The following SYTL2 variants were observed in gnomAD, a reference collection of about 807,000 sequenced individuals.
SYTL2 encodes synaptotagmin-like protein 2.
A neutral mutation model predicts 198.7 loss-of-function variants in SYTL2; 165 were observed. The ratio of observed to expected loss-of-function variants is 0.83; its 90% CI spans 0.73 to 0.94. SYTL2 has a LOEUF of 0.94. SYTL2 is among the 40% of genes least tolerant of loss of function. The pLI, the probability that SYTL2 is intolerant of heterozygous loss-of-function variation, is 0.00. For synonymous variants in SYTL2, 966 were observed against 917.7 expected, an observed-to-expected ratio of 1.05 and a Z score of -0.95; for missense variants, 2,835 against 2,582.8, an observed-to-expected ratio of 1.10 and a Z score of -2.12.
At position 85,724,507 on chromosome 11, in the gene SYTL2, C is replaced by T. The variant is rs759913857; in HGVS notation, c.4851G>A (p.Gln1617=). 1 of 1,613,944 alleles carries T rather than the reference C, an allele frequency of 6.2e-7. No homozygotes were observed. Among genetic ancestry groups the T allele is most frequent in the Non-Finnish European group, 8.5e-7 (1 of 1,180,004 alleles). ...TACTTTTATCCTTCATTTCAGAGGT[C>T]TGTGAGGCTGCCCTGTAAAAATGGG... The part of the protein sequence containing the change: ...TVPHFYRAAS[Q]TSEMKDKSNG... The change falls in exon 8 of 20, where the codon CAG becomes CAA. Residue 1617 remains glutamine (Q), a synonymous_variant. Transcript: ENST00000359152.
the SYTL2 span, among the ~76,000 whole-genome samples, chr11:85,827,643 G>A: frequency 1.3e-5 from 2 of 152,122 alleles, no homozygotes; most frequent in South Asian, 4.1e-4. Context: ...TAAATAGTAA[G>A]TTCTGGGTAT....
At chr11:85,845,749 C>G in the SYTL2 span, among the ~76,000 whole-genome samples, 2 of 151,562 alleles carry the variant, frequency 1.3e-5, no homozygotes, top group Admixed American at 1.3e-4. Flanking sequence ...TCTACTAATA[C>G]ACACACACAC....
intron 10 of SYTL2, 69 bp downstream of exon 10, chr11:85,718,721 C>G: frequency 6.8e-7 from 1 of 1,471,044 alleles, no homozygotes; most frequent in Non-Finnish European, 9.4e-7. Flanking sequence ...CAGCTGCGTC[C>G]CGGAGACTGC....
chr11:85,846,256 C>T, the SYTL2 span, among the ~76,000 whole-genome samples: 1 of 152,184 alleles, frequency 6.6e-6, no homozygotes, highest in Non-Finnish European at 1.5e-5. Flanking sequence ...CATGGGGAAG[C>T]TGCATGACTT....
At chr11:85,850,847 T>TA in the SYTL2 span, among the ~76,000 whole-genome samples, 3 of 149,514 alleles carry the variant, frequency 2.0e-5, no homozygotes, top group Non-Finnish European at 4.5e-5. Context: ...TATGCAGCCA[T>TA]AAAAAATGAT....
intron 1 of SYTL2, among the ~76,000 whole-genome samples, 175 bp downstream of exon 1, chr11:85,810,779 C>T (rs940652499): frequency 1.3e-5 from 2 of 152,230 alleles, no homozygotes; most frequent in Non-Finnish European, 2.9e-5. Context: ...AGGAAAGGAG[C>T]TTTCCCCGTG....
chr11:85,800,942 G>A (rs2092878002), intron 1 of SYTL2, among the ~76,000 whole-genome samples: 1 of 152,212 alleles, frequency 6.6e-6, no homozygotes, highest in Non-Finnish European at 1.5e-5. Context: ...AAGGAACCCA[G>A]GTAATGTCGG....
the SYTL2 span, among the ~76,000 whole-genome samples, chr11:85,844,096 T>C: frequency 6.6e-6 from 1 of 152,242 alleles, no homozygotes; most frequent in Admixed American, 6.5e-5. Context: ...CTTTCAACTG[T>C]TGATGGCTTC....
chr11:85,726,619 T>C lies in SYTL2; in HGVS notation c.2739A>G (p.Arg913=), dbSNP rs2089216362. ...FQNKKNEPIK[R]SQVADSLPSR... ...AAGGCAAACTGTCTGCCACTTGTGA[T>C]CTTTTTATAGGCTCATTTTTCTTAT... Residue 913 remains arginine (R), a synonymous_variant, in exon 8 of 20, where the codon AGA becomes AGG. Coordinates refer to ENST00000359152, the MANE Select transcript of SYTL2 (RefSeq NM_206927.4). The C allele has an allele frequency of 1.9e-6, 3 of 1,543,800 alleles. No homozygotes were observed. Among genetic ancestry groups the C allele is most frequent in the Non-Finnish European group, 2.6e-6 (3 of 1,150,282 alleles).
chr11:85,742,166 C>CA (rs1331041750), intron 4 of SYTL2, among the ~76,000 whole-genome samples: 1 of 152,132 alleles, frequency 6.6e-6, no homozygotes, highest in African/African-American at 2.4e-5. Flanking sequence ...AGGGCATGGC[C>CA]ACGCAGAGGT....
At position 85,734,683 on chromosome 11, in the gene SYTL2, C is replaced by T. The variant is rs1303599667; in HGVS notation, c.646G>A (p.Glu216Lys). 2.5e-6 allele frequency: 4 copies of T among 1,614,018 alleles called. No homozygotes were observed. The highest frequency in any genetic ancestry group is 1.7e-5 in the Admixed American group (1 of 60,004). Reference sequence around the variant, plus strand: ...CCTGGCAAAGTCTGCTTTGATTTCTCTAACTTTTGGATTGAAGTATCTGCG... The same window carrying T: ...CCTGGCAAAGTCTGCTTTGATTTCTTTAACTTTTGGATTGAAGTATCTGCG... The part of the protein sequence containing the change: ...TVADTSIQKL[E>K]KSKQTLPGLS... The change falls in exon 7 of 20, where the codon GAG becomes AAG. Residue 216 changes from glutamate (E) to lysine (K), a missense_variant. Physicochemically the swap from Glu to Lys is moderately conservative, Grantham distance 56 (BLOSUM62 1). Coordinates refer to ENST00000359152, the MANE Select transcript of SYTL2 (RefSeq NM_206927.4).
chr11:85,840,717 C>T, the SYTL2 span, among the ~76,000 whole-genome samples: 1 of 152,094 alleles, frequency 6.6e-6, no homozygotes, highest in Admixed American at 6.6e-5. Flanking sequence ...AAAATTAACT[C>T]AAGATGGATT....
At chr11:85,826,435 C>T in the SYTL2 span, among the ~76,000 whole-genome samples, 1 of 152,238 alleles carries the variant, frequency 6.6e-6, no homozygotes, top group Non-Finnish European at 1.5e-5. Flanking sequence ...TGTGCAGAGA[C>T]AGTCTGCAGA....
the SYTL2 span, among the ~76,000 whole-genome samples, chr11:85,849,877 C>G: frequency 7.2e-6 from 1 of 138,800 alleles, no homozygotes; most frequent in Admixed American, 7.5e-5. Context: ...TTACCTTGGG[C>G]AGTATGGCCA....
chr11:85,747,401 C>G (rs529061147), intron 3 of SYTL2, among the ~76,000 whole-genome samples: 1 of 152,146 alleles, frequency 6.6e-6, no homozygotes, highest in Admixed American at 6.6e-5. Flanking sequence ...GGGTGGGATG[C>G]TGGCTGCCTT....
At chr11:85,796,194 C>T (rs1400711217) in intron 1 of SYTL2, among the ~76,000 whole-genome samples, 1 of 152,190 alleles carries the variant, frequency 6.6e-6, no homozygotes, top group Admixed American at 6.5e-5. Flanking sequence ...CTGTGAGACT[C>T]TGGGCAAATA....
At chr11:85,789,340 GTATATATATATATA>G (rs56956411) in intron 1 of SYTL2, among the ~76,000 whole-genome samples, 953 of 62,508 alleles carry the variant, frequency 0.015, 21 homozygotes, top group Non-Finnish European at 0.02. Context: ...GTGTGTGTGT[GTATATATATATATA>G]TATATATATA....
chr11:85,707,540 G>C lies in SYTL2; in HGVS notation c.5916-9C>G. On this transcript the variant is annotated splice_polypyrimidine_tract_variant and intron_variant, in intron 14 of 19. Coordinates refer to ENST00000359152, the MANE Select transcript of SYTL2 (RefSeq NM_206927.4). ...AATAGGCCTTTACATATCTGAAAAG[G>C]AGAATTGAACAGACAAAGTCAAAGA... 1 of 1,520,136 alleles carries C rather than the reference G, an allele frequency of 6.6e-7. No homozygotes were observed. The highest frequency in any genetic ancestry group is 9.0e-7 in the Non-Finnish European group (1 of 1,115,920). The allele number at this position is 1,520,136 out of a possible 1,614,324, so 94.2% of individuals were successfully genotyped here.
At position 85,698,300 on chromosome 11, in the gene SYTL2, C is replaced by T. The variant is rs112188912; in HGVS notation, c.6269-222G>A. ...AAATAATTCATATTGGCTTTAAGTACCAAGTATTACATCATTAGCACATCA... is the reference window on the plus strand; with the variant it reads ...AAATAATTCATATTGGCTTTAAGTATCAAGTATTACATCATTAGCACATCA... On this transcript the variant is annotated intron_variant, in intron 17 of 19. Coordinates refer to ENST00000359152, the MANE Select transcript of SYTL2 (RefSeq NM_206927.4). Among the ~76,000 whole-genome samples, 217 of 152,272 alleles carry T rather than the reference C, an allele frequency of 1.4e-3. 1 individual carries two copies. The highest frequency in any genetic ancestry group is 4.9e-3 in the African/African-American group (204 of 41,566).
Sources: allele counts gnomAD v4.1 joint callset (sites outside exome capture counted in the v4.1 genomes callset), GRCh38; gene constraint gnomAD v4.1.1; transcripts MANE v1.5; gene names NCBI Gene and HGNC (gene_info 2026-07-23, HGNC 2026-07-21).